CLIC2: variants seen among roughly 807,000 people sequenced by gnomAD.
The protein encoded by CLIC2 is CLIC family member 2.
In CLIC2, 9 loss-of-function variants were observed where a neutral mutation model predicts 14.8. The ratio of observed to expected loss-of-function variants is 0.61; its 90% confidence interval spans 0.37 to 1.06. The LOEUF (loss-of-function observed/expected upper bound fraction) is 1.06, where lower values mean the gene tolerates loss of function less well. Among genes scored for constraint, CLIC2 ranks in the 50% least tolerant of loss-of-function variants. The pLI is 0.01. For missense variants in CLIC2, 148 were observed against 181.4 expected (o/e 0.82, Z 1.06); for synonymous variants, 61 against 66.3 (o/e 0.92, Z 0.39).
intron 3 of CLIC2, chrX:155,292,757 G>T (rs372865338): frequency 1.1e-5 from 5 of 466,168 alleles, no homozygotes; most frequent in South Asian, 6.4e-5. Flanking sequence ...GCGACAGAGC[G>T]AGACTCCGTC....
At chrX:155,305,228 C>G (rs188575338) in intron 1 of CLIC2, among the ~76,000 whole-genome samples, 4 of 111,990 alleles carry the variant, frequency 3.6e-5, no homozygotes, top group Non-Finnish European at 7.5e-5. Context: ...TAGCAATCAG[C>G]GAGACTCCGT....
Position 155,334,372 on chromosome X carries a change from T to C in CLIC2, c.56A>G (p.Lys19Arg). ...AGTTATTATAACTGGAAAACTTACC[T>C]TTACAAAAAGCTCAATCTCAGGGTC... ...QVDPEIELFV[K>R]AGSDGESIGN... Residue 19 changes from lysine to arginine, a missense_variant and splice_region_variant, in exon 1 of 6, where the codon AAG becomes AGG. Lys to Arg is a conservative substitution (Grantham distance 26, BLOSUM62 2). Coordinates refer to ENST00000369449, the MANE Select transcript of CLIC2 (RefSeq NM_001289.6). The C allele has an allele frequency of 8.3e-7, 1 of 1,204,442 alleles. No individual in the cohort carries two copies. The highest frequency in any genetic ancestry group is 1.1e-6 in the Non-Finnish European group (1 of 888,957).
chrX:155,324,690 G>C (rs1323523012), intron 1 of CLIC2, among the ~76,000 whole-genome samples: 1 of 111,730 alleles, frequency 9.0e-6, no homozygotes, highest in Non-Finnish European at 1.9e-5. Flanking sequence ...ATACCATTCA[G>C]GACATAGGCA....
chrX:155,299,183 T>C (rs1341092309), intron 1 of CLIC2, 38 bp from the exon 2 acceptor site: 6 of 1,053,930 alleles, frequency 5.7e-6, no homozygotes, highest in Non-Finnish European at 5.3e-6. Flanking sequence ...CATTTGTTTG[T>C]TCAATAAGTA....
chrX:155,277,970 G>A lies in CLIC2; in HGVS notation c.677C>T (p.Thr226Ile). The A allele has an allele frequency of 8.3e-7, 1 of 1,207,325 alleles. No homozygotes were observed. The highest frequency in any genetic ancestry group is 3.0e-5 in the East Asian group (1 of 33,838). The stretch of plus-strand genomic sequence containing the variant: ...TTCTTTGTCTTCAGGACACGTGTGG[G>A]TAAATTCTTCACGGGCATAGGCATT... ...LHNAYAREEF[T>I]HTCPEDKEIE... The change falls in exon 6 of 6, where the codon ACC (threonine) becomes ATC (isoleucine). Residue 226 changes from threonine (T) to isoleucine (I), a missense_variant. By Grantham distance (89) the Thr-to-Ile change is moderately conservative. Transcript: ENST00000369449.
intron 4 of CLIC2, 47 bp from the exon 5 acceptor site, chrX:155,279,377 GA>G (rs1310401795): frequency 2.1e-6 from 2 of 958,827 alleles, no homozygotes; most frequent in Non-Finnish European, 3.0e-6. Flanking sequence ...ATTGTCTTTT[GA>G]CTAAATACAT....
In CLIC2 at chrX:155,276,597, A is replaced by G. The variant is rs1368586226; in HGVS notation, c.*1306T>C. 2 of 111,692 alleles carry G rather than the reference A, an allele frequency of 1.8e-5. No homozygotes were observed. The highest frequency in any genetic ancestry group is 6.5e-5 in the African/African-American group (2 of 30,824). The allele number at this position is 111,692 out of a possible 1,213,427, so 9.2% of individuals were successfully genotyped here. A position where few individuals can be genotyped will look rare whatever the true frequency, so the allele number is the denominator to read the frequency against. On this transcript the variant is annotated 3_prime_UTR_variant, in exon 6 of 6. Coordinates refer to ENST00000369449, the MANE Select transcript of CLIC2 (RefSeq NM_001289.6). ...TGAGATCAACTTTTTAAAATTCCAC[A>G]TATGAGTGAGATCAACTTTTTAAAA...
At chrX:155,313,799 CTTGA>C (rs2075083673) in intron 1 of CLIC2, among the ~76,000 whole-genome samples, 1 of 111,745 alleles carries the variant, frequency 8.9e-6, no homozygotes, top group East Asian at 2.8e-4. Flanking sequence ...AGTTCTCAGC[CTTGA>C]TCACCAGATG....
chrX:155,291,999 T>C (rs1432188314), intron 3 of CLIC2, among the ~76,000 whole-genome samples: 1 of 111,709 alleles, frequency 9.0e-6, no homozygotes, highest in Non-Finnish European at 1.9e-5. Context: ...AAGGATGAAA[T>C]TGAAGATAAT....
chrX:155,326,359 A>G lies in CLIC2; in HGVS notation c.57+8012T>C, dbSNP rs1418919063. ...ATAAGCAGACAAAATGTTCAATTTT[A>G]TTAGCCTTTTGGGAAATGCAAATTT... On this transcript the variant is annotated intron_variant, in intron 1 of 5. Transcript: ENST00000369449. 2.7e-5 allele frequency among the ~76,000 whole-genome samples: 3 copies of G among 111,946 alleles called. No homozygotes were observed. In the South Asian group the frequency reaches 1.1e-3, roughly 41 times the overall value.
intron 3 of CLIC2, chrX:155,292,720 A>C (rs75072908): frequency 2.6e-6 from 1 of 389,454 alleles, no homozygotes; most frequent in African/African-American, 2.7e-5. Flanking sequence ...CAGTGAGCCG[A>C]GATCGCGCCA....
In CLIC2 at chrX:155,279,770, T is replaced by C. The variant is rs149401278; in HGVS notation, c.400+192A>G. Among the ~76,000 whole-genome samples, 605 of 111,675 alleles carry C rather than the reference T, an allele frequency of 5.4e-3. 2 individuals are homozygous for C. The highest frequency in any genetic ancestry group is 8.0e-3 in the Non-Finnish European group (423 of 53,153). On this transcript the variant is annotated intron_variant, in intron 4 of 5. Transcript: ENST00000369449. ...ATTCTAATTGAGCTATGGTTGGTAA[T>C]AGCTATATTGAATCTTGAGTTCTAA...
chrX:155,325,428 A>G (rs1204062481), intron 1 of CLIC2, among the ~76,000 whole-genome samples: 1 of 111,105 alleles, frequency 9.0e-6, no homozygotes, highest in African/African-American at 3.3e-5. Context: ...TTATGCAGCC[A>G]TAAAAGAGAA....
chrX:155,277,925 T>C lies in CLIC2; in HGVS notation c.722A>G (p.Asn241Ser). 8.3e-7 allele frequency: 1 copy of C among 1,209,732 alleles called. No individual in the cohort carries two copies. The highest frequency in any genetic ancestry group is 1.1e-6 in the Non-Finnish European group (1 of 893,619). The change falls in exon 6 of 6, where the codon AAT becomes AGT. Residue 241 changes from asparagine (N) to serine (S), a missense_variant. Asn to Ser is a conservative substitution (Grantham distance 46). Coordinates refer to ENST00000369449, the MANE Select transcript of CLIC2 (RefSeq NM_001289.6). ...CTCCTAACTCTTCTGTTTAGCCACA[T>C]TTGCGTAAGTATTTTCAATTTCTTT... ...EDKEIENTYA[N>S]VAKQKS
At chrX:155,314,792 G>A (rs2075089111) in intron 1 of CLIC2, among the ~76,000 whole-genome samples, 1 of 111,676 alleles carries the variant, frequency 9.0e-6, no homozygotes, top group Non-Finnish European at 1.9e-5. Flanking sequence ...AGACATCAGA[G>A]AAAGGTGAAC....
intron 1 of CLIC2, among the ~76,000 whole-genome samples, chrX:155,303,872 T>C (rs1602946084): frequency 9.5e-6 from 1 of 104,983 alleles, no homozygotes; most frequent in East Asian, 3.0e-4. Flanking sequence ...AATTCTGGGT[T>C]GAAAATTCTT....
intron 1 of CLIC2, among the ~76,000 whole-genome samples, chrX:155,300,532 G>A (rs2075012834): frequency 1.8e-5 from 2 of 111,355 alleles, no homozygotes; most frequent in South Asian, 7.5e-4. Context: ...TAGGTTGCCT[G>A]TTGACTCTGA....
intron 3 of CLIC2, chrX:155,292,387 T>C (rs1363920887): frequency 1.8e-6 from 1 of 560,549 alleles, no homozygotes; most frequent in African/African-American, 2.2e-5. Flanking sequence ...GAGTATTCTG[T>C]TATTCTACAA....
In CLIC2 at chrX:155,288,107, C is replaced by A. The variant is rs2074949442; in HGVS notation, c.294-8039G>T. Among the ~76,000 whole-genome samples the A allele has an allele frequency of 3.6e-5, 4 of 111,769 alleles. No homozygotes were observed. The South Asian group carries it at 1.5e-3, about 41-fold the overall frequency. On this transcript the variant is annotated intron_variant, in intron 3 of 5. Coordinates refer to ENST00000369449, the MANE Select transcript of CLIC2 (RefSeq NM_001289.6). ...GATTTTTGTACATTGATTTTGCATCCTGAAACTTTGCCAAAGTTGTTTATC... is the reference window on the plus strand; with the variant it reads ...GATTTTTGTACATTGATTTTGCATCATGAAACTTTGCCAAAGTTGTTTATC...
Sources: gnomAD v4.1 joint callset for allele counts (sites outside exome capture counted in the v4.1 genomes callset) on GRCh38, gnomAD v4.1.1 for gene constraint, MANE v1.5 for transcripts, NCBI Gene and HGNC (gene_info 2026-07-23, HGNC 2026-07-21) for gene names.